The following TNFSF9 variants were observed in gnomAD, a reference collection of about 807,000 sequenced individuals.
The protein encoded by TNFSF9 is TNF superfamily member 9, also known as tumor necrosis factor ligand superfamily member 9.
Under a neutral mutation model 10.3 loss-of-function variants are expected in TNFSF9, and 10 were observed. That is an observed-to-expected ratio of 0.97 (90% CI 0.60 to 1.65). The LOEUF (loss-of-function observed/expected upper bound fraction) is 1.65. TNFSF9 is among the 40% of genes most tolerant of loss of function. TNFSF9 has a pLI of 0.00. For synonymous variants in TNFSF9, 195 were observed against 176.1 expected, an observed-to-expected ratio of 1.11 and a Z score of -0.85; for missense variants, 361 against 348.9, an observed-to-expected ratio of 1.03 and a Z score of -0.28.
intron 2 of TNFSF9, among the ~76,000 whole-genome samples, chr19:6,534,034 C>T (rs986465614): frequency 2.1e-5 from 3 of 140,020 alleles, no homozygotes; most frequent in African/African-American, 7.9e-5. Context: ...CTCCTAGCTC[C>T]CTGTCCACCT....
intron 1 of TNFSF9, among the ~76,000 whole-genome samples, chr19:6,532,424 T>A (rs1915168541): frequency 2.8e-5 from 1 of 35,168 alleles, no homozygotes; most frequent in Non-Finnish European, 6.4e-5. Context: ...TGTTTGTTCG[T>A]TCGTGTGGGT....
At position 6,535,194 on chromosome 19, in the gene TNFSF9, A is replaced by AC. The variant is rs1176878184; in HGVS notation, c.*130dup. 9.6e-7 allele frequency: 1 copy of AC among 1,045,246 alleles called. No individual in the cohort carries two copies. 64.7% of individuals were successfully genotyped at this position (1,045,246 alleles called of 1,614,324 possible). On this transcript the variant is annotated 3_prime_UTR_variant, in exon 3 of 3. Transcript: ENST00000245817. ...GGCTTGGCAGGGGTCCCTGCTGCTG[A>AC]CCTCCCCTTGAGGACCCTCCTCACC... is the stretch of plus-strand genomic sequence containing the variant.
chr19:6,532,702 C>T (rs879202158), intron 1 of TNFSF9, 84 bp from the exon 2 acceptor site: 23 of 1,601,324 alleles, frequency 1.4e-5, no homozygotes, highest in Non-Finnish European at 2.0e-5. Flanking sequence ...ACTCTGGGGA[C>T]CCTGACAGCT....
rs1217614049 is a variant in TNFSF9, at chr19:6,535,878, T to G, written c.*812T>G. On this transcript the variant is annotated 3_prime_UTR_variant, in exon 3 of 3. Coordinates refer to ENST00000245817, the MANE Select transcript of TNFSF9 (RefSeq NM_003811.4). Reference sequence around the variant, plus strand: ...GACGGTATTGCTATGTTGCCAAGGTTGTTTACATGCCAGTACAATTTATAA... The same window carrying G: ...GACGGTATTGCTATGTTGCCAAGGTGGTTTACATGCCAGTACAATTTATAA... The G allele has an allele frequency of 1.3e-5, 2 of 152,200 alleles. No individual in the cohort carries two copies. Among genetic ancestry groups the G allele is most frequent in the African/African-American group, 2.4e-5 (1 of 41,438 alleles). 9.4% of individuals were successfully genotyped at this position (152,200 alleles called of 1,614,324 possible). A position where few individuals can be genotyped will look rare whatever the true frequency, so the allele number is the denominator to read the frequency against.
At position 6,534,627 on chromosome 19, in the gene TNFSF9, G is replaced by T. The variant is rs865800243; in HGVS notation, c.326G>T (p.Trp109Leu). The change falls in exon 3 of 3, where the codon TGG becomes TTG. Residue 109 changes from tryptophan (W) to leucine (L), a missense_variant. By Grantham distance (61) the Trp-to-Leu change is moderately conservative (BLOSUM62 -2). Coordinates refer to ENST00000245817, the MANE Select transcript of TNFSF9 (RefSeq NM_003811.4). ...NVLLIDGPLS[W>L]YSDPGLAGVS... is the part of the protein sequence containing the mutation. ...CTGCTGATCGATGGGCCCCTGAGCT[G>T]GTACAGTGACCCAGGCCTGGCAGGC... The T allele has an allele frequency of 6.3e-7, 1 of 1,581,052 alleles. No individual in the cohort carries two copies. Among genetic ancestry groups the T allele is most frequent in the African/African-American group, 1.3e-5 (1 of 74,242 alleles).
At chr19:6,532,296 T>TGTGTGTGTGTGTGTGTGTGTGTTC (rs368974339) in intron 1 of TNFSF9, among the ~76,000 whole-genome samples, 8 of 146,166 alleles carry the variant, frequency 5.5e-5, no homozygotes, top group African/African-American at 1.9e-4. Flanking sequence ...TGTGTGTGTG[T>TGTGTGTGTGTGTGTGTGTGTGTTC]GTTCGTGTTT....
chr19:6,531,075 C>A lies in TNFSF9; in HGVS notation c.39C>A (p.Ala13=). ...YASDASLDPE[A]PWPPAPRARA... ...CTGACGCTTCACTGGACCCCGAAGC[C>A]CCGTGGCCTCCCGCGCCCCGCGCTC... Residue 13 remains alanine (A), a synonymous_variant, in exon 1 of 3, where the codon GCC becomes GCA. Transcript: ENST00000245817. 1 of 1,611,098 alleles carries A rather than the reference C, an allele frequency of 6.2e-7. No individual in the cohort carries two copies. Among genetic ancestry groups the A allele is most frequent in the Non-Finnish European group, 8.5e-7 (1 of 1,179,102 alleles).
rs1231488706 is a variant in TNFSF9 at position 6,531,088 on chromosome 19, G to A, written c.52G>A (p.Ala18Thr). 1 of 1,610,860 alleles carries A rather than the reference G, an allele frequency of 6.2e-7. No homozygotes were observed. Residue 18 changes from alanine to threonine, a missense_variant, in exon 1 of 3, where the codon GCG (alanine) becomes ACG (threonine). Coordinates refer to ENST00000245817, the MANE Select transcript of TNFSF9 (RefSeq NM_003811.4). ...SLDPEAPWPPAPRARACRVLP... is the reference protein window; with the variant it reads ...SLDPEAPWPPTPRARACRVLP... ...GGACCCCGAAGCCCCGTGGCCTCCCGCGCCCCGCGCTCGCGCCTGCCGCGT... is the reference window on the plus strand; with the variant it reads ...GGACCCCGAAGCCCCGTGGCCTCCCACGCCCCGCGCTCGCGCCTGCCGCGT...
intron 2 of TNFSF9, among the ~76,000 whole-genome samples, chr19:6,533,324 C>G: frequency 7.1e-6 from 1 of 140,808 alleles, no homozygotes; most frequent in South Asian, 2.4e-4. Flanking sequence ...AAACCCTCCC[C>G]AGCCCCATGC....
In TNFSF9 at chr19:6,531,175, G is replaced by A; in HGVS notation, c.139G>A (p.Val47Ile). The part of the protein sequence containing the change: ...LLLLLAAACA[V>I]FLACPWAVSG... ...GCTGCTGCTCGCTGCCGCCTGCGCC[G>A]TCTTCCTCGCCTGCCCCTGGGCCGT... Residue 47 changes from valine (V) to isoleucine (I), a missense_variant, in exon 1 of 3, where the codon GTC (valine) becomes ATC (isoleucine). Transcript: ENST00000245817. 1 of 1,590,724 alleles carries A rather than the reference G, an allele frequency of 6.3e-7. No individual in the cohort carries two copies. Among genetic ancestry groups the A allele is most frequent in the Non-Finnish European group, 8.6e-7 (1 of 1,168,926 alleles).
At position 6,531,054 on chromosome 19, in the gene TNFSF9, C is replaced by T. The variant is rs1210794058; in HGVS notation, c.18C>T (p.Asp6=). The change falls in exon 1 of 3, where the codon GAC becomes GAT. Residue 6 remains aspartate (D), a synonymous_variant. Coordinates refer to ENST00000245817, the MANE Select transcript of TNFSF9 (RefSeq NM_003811.4). Reference sequence around the variant, plus strand: ...CTCTCGTCATGGAATACGCCTCTGACGCTTCACTGGACCCCGAAGCCCCGT... The same window carrying T: ...CTCTCGTCATGGAATACGCCTCTGATGCTTCACTGGACCCCGAAGCCCCGT... The part of the protein sequence containing the change: MEYAS[D]ASLDPEAPWP... 12 of 1,611,234 alleles carry T rather than the reference C, an allele frequency of 7.4e-6. No homozygotes were observed. Among genetic ancestry groups the T allele is most frequent in the South Asian group, 3.3e-5 (3 of 91,046 alleles).
rs61750000 is a variant in TNFSF9 at position 6,534,717 on chromosome 19, G to C, written c.416G>C (p.Gly139Ala). 5,843 of 1,597,264 alleles carry C rather than the reference G, an allele frequency of 3.7e-3. 16 individuals are homozygous for C. The highest frequency in any genetic ancestry group is 4.7e-3 in the Non-Finnish European group (5,556 of 1,172,270). The change falls in exon 3 of 3, where the codon GGA becomes GCA. Residue 139 changes from glycine (G) to alanine (A), a missense_variant. Coordinates refer to ENST00000245817, the MANE Select transcript of TNFSF9 (RefSeq NM_003811.4). ...AAGGAGCTGGTGGTGGCCAAGGCTG[G>C]AGTCTACTATGTCTTCTTTCAACTA... The part of the protein sequence containing the change: ...DTKELVVAKA[G>A]VYYVFFQLEL...
At position 6,531,214 on chromosome 19, in the gene TNFSF9, G is replaced by A; in HGVS notation, c.178G>A (p.Ala60Thr). The A allele has an allele frequency of 1.3e-6, 2 of 1,535,724 alleles. No homozygotes were observed. The highest frequency in any genetic ancestry group is 2.1e-5 in the Admixed American group (1 of 48,680). Residue 60 changes from alanine to threonine, a missense_variant, in exon 1 of 3, where the codon GCC becomes ACC. Ala to Thr is a moderately conservative substitution (Grantham distance 58). Coordinates refer to ENST00000245817, the MANE Select transcript of TNFSF9 (RefSeq NM_003811.4). Reference sequence around the variant, plus strand: ...CCCCTGGGCCGTGTCCGGGGCTCGCGCCTCGCCCGGCTCCGCGGCCAGCCC... The same window carrying A: ...CCCCTGGGCCGTGTCCGGGGCTCGCACCTCGCCCGGCTCCGCGGCCAGCCC... ...ACPWAVSGAR[A>T]SPGSAASPRL...
rs772396101 is a variant in TNFSF9 at position 6,534,799 on chromosome 19, C to T, written c.498C>T (p.His166=). The change falls in exon 3 of 3, where the codon CAC becomes CAT. Residue 166 remains histidine (H), a synonymous_variant. Transcript: ENST00000245817. ...CAGGCTCCGTTTCACTTGCGCTGCA[C>T]CTGCAGCCACTGCGCTCTGCTGCTG... ...EGSGSVSLAL[H]LQPLRSAAGA... is the part of the protein sequence containing the mutation. 4.4e-6 allele frequency: 7 copies of T among 1,601,210 alleles called. No individual in the cohort carries two copies. Among genetic ancestry groups the T allele is most frequent in the Non-Finnish European group, 6.0e-6 (7 of 1,175,070 alleles).
rs1452017933 is a variant in TNFSF9, at chr19:6,534,598, A to G, written c.299-2A>G. 6.4e-7 allele frequency: 1 copy of G among 1,563,786 alleles called. No homozygotes were observed. Among genetic ancestry groups the G allele is most frequent in the Non-Finnish European group, 8.7e-7 (1 of 1,155,032 alleles). ...AGCTAAGTGCATGCTTTCCTCCCAC[A>G]GTTCTGCTGATCGATGGGCCCCTGA... On this transcript the variant is annotated splice_acceptor_variant, in intron 2 of 2. Coordinates refer to ENST00000245817, the MANE Select transcript of TNFSF9 (RefSeq NM_003811.4). LOFTEE classifies it high-confidence loss of function.
chr19:6,531,411 C>T, intron 1 of TNFSF9, 108 bp downstream of exon 1: 2 of 1,345,020 alleles, frequency 1.5e-6, no homozygotes. Context: ...TTCTACACTC[C>T]CGGCCGGGGA....
At chr19:6,532,847 G>GC in intron 2 of TNFSF9, 31 bp downstream of exon 2, 4 of 1,613,454 alleles carry the variant, frequency 2.5e-6, no homozygotes, top group South Asian at 1.1e-5. Context: ...CCGGTCCCTG[G>GC]CCCCCCACCA....
intron 1 of TNFSF9, among the ~76,000 whole-genome samples, chr19:6,532,221 G>A (rs1163951798): frequency 1.3e-5 from 2 of 151,876 alleles, no homozygotes; most frequent in African/African-American, 2.4e-5. Context: ...TTTCCCTCCT[G>A]AATTCTTGGA....
chr19:6,534,861 C>A lies in TNFSF9; in HGVS notation c.560C>A (p.Pro187His). 6.2e-7 allele frequency: 1 copy of A among 1,606,814 alleles called. No homozygotes were observed. Among genetic ancestry groups the A allele is most frequent in the Non-Finnish European group, 8.5e-7 (1 of 1,178,758 alleles). The change falls in exon 3 of 3, where the codon CCC becomes CAC. Residue 187 changes from proline to histidine, a missense_variant. Pro to His is a moderately conservative substitution (Grantham distance 77). Coordinates refer to ENST00000245817, the MANE Select transcript of TNFSF9 (RefSeq NM_003811.4). ...CTGGCTTTGACCGTGGACCTGCCAC[C>A]CGCCTCCTCCGAGGCTCGGAACTCG... The part of the protein sequence containing the change: ...AALALTVDLP[P>H]ASSEARNSAF...
Sources: allele counts gnomAD v4.1 joint callset (sites outside exome capture counted in the v4.1 genomes callset), GRCh38; gene constraint gnomAD v4.1.1; transcripts MANE v1.5; gene names NCBI Gene and HGNC (gene_info 2026-07-23, HGNC 2026-07-21).